FAM234A: variants seen among roughly 807,000 people sequenced by gnomAD.
FAM234A encodes the protein protein FAM234A.
A neutral mutation model predicts 49.1 loss-of-function variants in FAM234A; 42 were observed. That is an observed-to-expected ratio of 0.86 (90% CI 0.67 to 1.11). The LOEUF is 1.11. FAM234A is among the 50% of genes least tolerant of loss of function. The pLI, the probability that FAM234A is intolerant of heterozygous loss-of-function variation, is 0.00. For missense variants in FAM234A, 815 were observed against 745.2 expected, an observed-to-expected ratio of 1.09 and a Z score of -1.09; for synonymous variants, 369 against 316.2, an observed-to-expected ratio of 1.17 and a Z score of -1.77.
At position 265,889 on chromosome 16, in the gene FAM234A, C is replaced by G. The variant is rs1487422364; in HGVS notation, c.*867C>G. 1.0e-6 allele frequency: 1 copy of G among 986,336 alleles called. No individual in the cohort carries two copies. The highest frequency in any genetic ancestry group is 1.2e-6 in the Non-Finnish European group (1 of 830,532). The allele number at this position is 986,336 out of a possible 1,614,324, so 61.1% of individuals were successfully genotyped here. On this transcript the variant is annotated 3_prime_UTR_variant, in exon 13 of 13. Transcript: ENST00000399932. ...AGGCATGGCAAGCGCCTGCCTCTCCCCTTCCGGTGCTCACACGCCCACGCC... is the reference window on the plus strand; with the variant it reads ...AGGCATGGCAAGCGCCTGCCTCTCCGCTTCCGGTGCTCACACGCCCACGCC...
intron 3 of FAM234A, among the ~76,000 whole-genome samples, chr16:258,908 G>A (rs1296864515): frequency 6.6e-6 from 1 of 152,140 alleles, no homozygotes; most frequent in Non-Finnish European, 1.5e-5. Context: ...TCAGCCTCCC[G>A]AGTAGCTGGG....
At chr16:263,608 G>A (rs954476278) in intron 9 of FAM234A, 92 bp from the exon 10 acceptor site, 11 of 1,290,732 alleles carry the variant, frequency 8.5e-6, no homozygotes, top group Non-Finnish European at 1.1e-5. Flanking sequence ...GTGGCCATGG[G>A]AGACTGAGGG....
intron 4 of FAM234A, 51 bp downstream of exon 4, chr16:259,650 C>T (rs749855370): frequency 6.1e-5 from 73 of 1,192,654 alleles, no homozygotes; most frequent in Middle Eastern, 5.7e-4. Flanking sequence ...AAAGAGGAAT[C>T]GTCATTTTGG....
chr16:244,125 C>T (rs936055076), intron 1 of FAM234A, among the ~76,000 whole-genome samples: 3 of 152,088 alleles, frequency 2.0e-5, no homozygotes, highest in East Asian at 3.9e-4. Context: ...CCCGCCACCA[C>T]GCCCGGCTAA....
chr16:263,995 C>A, intron 10 of FAM234A, 21 bp from the exon 11 acceptor site: 1 of 1,602,604 alleles, frequency 6.2e-7, no homozygotes, highest in South Asian at 1.1e-5. Flanking sequence ...TTGGCCCCCA[C>A]AGTGTCCCCT....
intron 5 of FAM234A, 78 bp downstream of exon 5, chr16:260,238 G>A (rs2051405957): frequency 7.3e-7 from 1 of 1,361,866 alleles, no homozygotes; most frequent in Non-Finnish European, 1.0e-6. Context: ...AATGCCAGGA[G>A]GCCGCGACGA....
At chr16:239,953 C>T (rs2050553888) in intron 1 of FAM234A, among the ~76,000 whole-genome samples, 2 of 152,178 alleles carry the variant, frequency 1.3e-5, no homozygotes, top group South Asian at 4.2e-4. Flanking sequence ...TGTTCTTTGT[C>T]TTGAGATTAT....
At chr16:261,342 G>A (rs1181238063) in intron 5 of FAM234A, 42 bp from the exon 6 acceptor site, 2 of 1,588,776 alleles carry the variant, frequency 1.3e-6, no homozygotes, top group Admixed American at 1.7e-5. Flanking sequence ...GCTGTTGAAG[G>A]GGACTCAGGG....
Position 254,432 on chromosome 16 carries a change from T to G in FAM234A, c.19T>G (p.Leu7Val), listed in dbSNP as rs914627885. Reference sequence around the variant, plus strand: ...GCCCGTGATGTTGGACCACAAGGACTTAGAGGCCGAAATCCACCCCTTGAA... The same window carrying G: ...GCCCGTGATGTTGGACCACAAGGACGTAGAGGCCGAAATCCACCCCTTGAA... MLDHKD[L>V]EAEIHPLKNE... Residue 7 changes from leucine (L) to valine (V), a missense_variant, in exon 3 of 13, where the codon TTA becomes GTA. By Grantham distance (32) the Leu-to-Val change is conservative (BLOSUM62 1). Transcript: ENST00000399932. 6.2e-7 allele frequency: 1 copy of G among 1,614,114 alleles called. No homozygotes were observed.
Position 264,861 on chromosome 16 carries a change from C to A in FAM234A, c.1498C>A (p.Pro500Thr). ...CGCCGCCTACATCCTTCTGACAGGC[C>A]CGGCAGACTCAGAGGCACCCGGCCT... ...RHAAYILLTG[P>T]ADSEAPGLVS... Residue 500 changes from proline to threonine, a missense_variant, in exon 13 of 13, where the codon CCG becomes ACG. Transcript: ENST00000399932. The A allele has an allele frequency of 6.2e-7, 1 of 1,612,226 alleles. No homozygotes were observed. The highest frequency in any genetic ancestry group is 1.1e-5 in the South Asian group (1 of 91,078).
At chr16:258,696 G>A (rs1259983756) in intron 3 of FAM234A, among the ~76,000 whole-genome samples, 3 of 152,176 alleles carry the variant, frequency 2.0e-5, no homozygotes, top group Non-Finnish European at 2.9e-5. Context: ...GGTGGTAGCC[G>A]GGCAGAGGGG....
chr16:249,886 C>G (rs1049285228), intron 2 of FAM234A, among the ~76,000 whole-genome samples: 2 of 152,068 alleles, frequency 1.3e-5, no homozygotes, highest in Non-Finnish European at 2.9e-5. Flanking sequence ...CATTCTGGTT[C>G]TTACTCCGTT....
intron 8 of FAM234A, 100 bp downstream of exon 8, chr16:262,653 C>CT: frequency 7.8e-7 from 1 of 1,274,740 alleles, no homozygotes; most frequent in East Asian, 2.8e-5. Context: ...CCCAGAGCAG[C>CT]CCCACCGGCA....
intron 1 of FAM234A, among the ~76,000 whole-genome samples, chr16:238,302 A>G (rs1244762756): frequency 6.6e-6 from 1 of 152,054 alleles, no homozygotes; most frequent in Admixed American, 6.6e-5. Flanking sequence ...TAGAAGCATG[A>G]ACCACCGCCC....
intron 5 of FAM234A, chr16:260,464 G>T: frequency 4.0e-6 from 2 of 496,580 alleles, no homozygotes; most frequent in Non-Finnish European, 4.0e-6. Flanking sequence ...GAGCGGCTTG[G>T]CCCCCGGCTG....
At chr16:267,169 CTG>C (rs771567720), downstream of FAM234A, among the ~76,000 whole-genome samples, 4 of 152,122 alleles carry the variant, frequency 2.6e-5, no homozygotes, top group Non-Finnish European at 5.9e-5. Flanking sequence ...CTCTGCAGCT[CTG>C]TGGCCTTAGG....
chr16:262,219 C>T lies in FAM234A; in HGVS notation c.835C>T (p.Pro279Ser), dbSNP rs370881261. The T allele has an allele frequency of 1.2e-6, 2 of 1,613,806 alleles. No individual in the cohort carries two copies. Among genetic ancestry groups the T allele is most frequent in the African/African-American group, 1.3e-5 (1 of 74,956 alleles). ...TRTGAHYILF[P>S]CASSLCGCSV... ...GACAGGTGCCCACTACATCCTCTTT[C>T]CCTGCGGTACGTTGTTTCTGCCACA... Residue 279 changes from proline (P) to serine (S), a missense_variant, in exon 7 of 13, where the codon CCC becomes TCC. Coordinates refer to ENST00000399932, the MANE Select transcript of FAM234A (RefSeq NM_032039.4).
chr16:250,908 A>T (rs1485519425), intron 2 of FAM234A, among the ~76,000 whole-genome samples: 2 of 152,220 alleles, frequency 1.3e-5, no homozygotes, highest in Non-Finnish European at 2.9e-5. Flanking sequence ...TGGTGTAATT[A>T]TGCACTGTAT....
At chr16:238,150 C>G (rs1020349150) in intron 1 of FAM234A, among the ~76,000 whole-genome samples, 1 of 152,164 alleles carries the variant, frequency 6.6e-6, no homozygotes, top group African/African-American at 2.4e-5. Flanking sequence ...TCCTGAGTAG[C>G]TGAGATTACA....
Sources: gnomAD v4.1 joint callset for allele counts (sites outside exome capture counted in the v4.1 genomes callset) on GRCh38, gnomAD v4.1.1 for gene constraint, MANE v1.5 for transcripts, NCBI Gene and HGNC (gene_info 2026-07-23, HGNC 2026-07-21) for gene names.